Variants in ECE1 observed in about 807,000 individuals in gnomAD.
ECE1 encodes the protein endothelin converting enzyme 1.
A neutral mutation model predicts 98.6 loss-of-function variants in ECE1; 35 were observed. That is an observed-to-expected ratio of 0.35 (90% confidence interval 0.27 to 0.47). The LOEUF is 0.47. ECE1 is among the 20% of genes least tolerant of loss of function. ECE1 has a pLI of 1.00. For missense variants in ECE1, 814 were observed against 1,025.3 expected, an observed-to-expected ratio of 0.79 and a Z score of 2.81; for synonymous variants, 394 against 407.1, an observed-to-expected ratio of 0.97 and a Z score of 0.39.
At chr1:21,276,551 TTTGTTTTGCTGCCTCTGTTTGC>T (rs1205721509) in intron 3 of ECE1, among the ~76,000 whole-genome samples, 1 of 152,202 alleles carries the variant, frequency 6.6e-6, no homozygotes, top group Non-Finnish European at 1.5e-5. Flanking sequence ...GAATGTATTG[TTTGTTTTGCTGCCTCTGTTTGC>T]AAAGCACCAG....
Position 21,260,226 on chromosome 1 carries a change from G to C in ECE1, c.615+45C>G, listed in dbSNP as rs1558394844. 1.9e-6 allele frequency: 3 copies of C among 1,614,072 alleles called. No individual in the cohort carries two copies. Among genetic ancestry groups the C allele is most frequent in the Non-Finnish European group, 2.5e-6 (3 of 1,179,960 alleles). On this transcript the variant is annotated intron_variant, in intron 5 of 18. Transcript: ENST00000374893. The surrounding 1 kb of genome is among the most constrained non-coding windows in gnomAD (Gnocchi z 4.3). ...GGAGTGGAAGCCAGGGGGCGGGCAG[G>C]TGGCATGGGCCGGGGCTTGGGGAGG...
At chr1:21,293,654 G>A (rs993884031), upstream of ECE1, 1 of 152,174 alleles carries the variant, frequency 6.6e-6, no homozygotes, top group Non-Finnish European at 1.5e-5. Context: ...GCCCCTTCCT[G>A]AGATGCCTGC....
At chr1:21,304,952 C>T (rs1182505608) in intron 1 of ECE1, among the ~76,000 whole-genome samples, 1 of 152,184 alleles carries the variant, frequency 6.6e-6, no homozygotes, top group South Asian at 2.1e-4. Context: ...GCAAAATCAG[C>T]CCGGTCCCAT....
intron 1 of ECE1, among the ~76,000 whole-genome samples, chr1:21,337,112 T>C (rs1297374154): frequency 6.6e-6 from 1 of 152,144 alleles, no homozygotes; most frequent in Admixed American, 6.6e-5. Context: ...CCTAAGTATG[T>C]GCCCCAAAGA....
chr1:21,262,518 C>G (rs1347430503), intron 4 of ECE1, among the ~76,000 whole-genome samples: 2 of 152,234 alleles, frequency 1.3e-5, no homozygotes, highest in Non-Finnish European at 2.9e-5. Context: ...CCACATCTGG[C>G]TCCGGCCAAA....
In ECE1 at chr1:21,260,424, G is replaced by A. The variant is rs749293980; in HGVS notation, c.494-32C>T. 18 of 1,613,806 alleles carry A rather than the reference G, an allele frequency of 1.1e-5. No individual in the cohort carries two copies. Among genetic ancestry groups the A allele is most frequent in the Non-Finnish European group, 1.4e-5 (16 of 1,179,948 alleles). On this transcript the variant is annotated intron_variant, in intron 4 of 18. Coordinates refer to ENST00000374893, the MANE Select transcript of ECE1 (RefSeq NM_001397.3). The surrounding 1 kb of genome is among the most constrained non-coding windows in gnomAD (Gnocchi z 4.3). ...CAACAGACAGTGGAGTTTGCAATGC[G>A]GCCCCACTTGCCCACTGGGTGGCTT...
At chr1:21,311,812 A>T (rs906238228) in intron 1 of ECE1, among the ~76,000 whole-genome samples, 1 of 150,408 alleles carries the variant, frequency 6.6e-6, no homozygotes. Context: ...ATCCTGTCTC[A>T]AAAAAAAATT....
At chr1:21,323,031 TA>T (rs1638997172) in intron 1 of ECE1, among the ~76,000 whole-genome samples, 1 of 152,128 alleles carries the variant, frequency 6.6e-6, no homozygotes, top group Non-Finnish European at 1.5e-5. Context: ...AGGACACAGC[TA>T]AAAGCTGTGA....
intron 14 of ECE1, 137 bp from the exon 15 acceptor site, chr1:21,228,178 A>G (rs991611965): frequency 1.6e-6 from 1 of 627,608 alleles, no homozygotes. Context: ...GCCCAAGTGC[A>G]CACAAGTACA....
chr1:21,295,940 T>C (rs1191182131), intron 1 of ECE1, among the ~76,000 whole-genome samples: 1 of 152,148 alleles, frequency 6.6e-6, no homozygotes, highest in African/African-American at 2.4e-5. Context: ...CCGAGTAAGC[T>C]AGAACATGAA....
chr1:21,220,027 C>G lies in ECE1; in HGVS notation c.2241G>C (p.Lys747Asn), dbSNP rs769034411. The change falls in exon 19 of 19, where the codon AAG becomes AAC. Residue 747 changes from lysine to asparagine, a missense_variant. By Grantham distance (94) the Lys-to-Asn change is moderately conservative. Around this residue, in one of 3 missense-constraint regions of ECE1, gnomAD observed 452 missense variants for 567.3 expected, o/e 0.80. Coordinates refer to ENST00000374893, the MANE Select transcript of ECE1 (RefSeq NM_001397.3). The surrounding 1 kb of genome is among the most constrained non-coding windows in gnomAD (Gnocchi z 5.0). The part of the protein sequence containing the change: ...FRVIGSLSNS[K>N]EFSEHFRCPP... ...GGCAGCGGAAGTGTTCTGAGAACTC[C>G]TTGGAATTGGAGAGGGAGCCGATGA... is the stretch of plus-strand genomic sequence containing the variant. The G allele has an allele frequency of 1.2e-6, 2 of 1,614,192 alleles. No homozygotes were observed. The highest frequency in any genetic ancestry group is 1.3e-5 in the African/African-American group (1 of 75,042).
intron 14 of ECE1, among the ~76,000 whole-genome samples, chr1:21,228,942 CGCCATTCTCCTGCCTCAG>C (rs2098178204): frequency 6.6e-6 from 1 of 150,378 alleles, no homozygotes; most frequent in African/African-American, 2.4e-5. Context: ...CCGGGGTTCA[CGCCATTCTCCTGCCTCAG>C]CCTCCCGTGT....
upstream of ECE1, among the ~76,000 whole-genome samples, chr1:21,295,450 A>G (rs917449704): frequency 6.6e-6 from 1 of 152,264 alleles, no homozygotes; most frequent in African/African-American, 2.4e-5. Flanking sequence ...GACATTTATT[A>G]TTATTACATT....
chr1:21,330,253 T>TTTTTTTA (rs1639172500), intron 1 of ECE1, among the ~76,000 whole-genome samples: 3 of 129,920 alleles, frequency 2.3e-5, no homozygotes, highest in Non-Finnish European at 5.0e-5. Flanking sequence ...TTTTTTTTTT[T>TTTTTTTA]GAGACAGAGT....
At chr1:21,244,875 C>A (rs1036644062) in intron 10 of ECE1, 114 bp downstream of exon 10, 70 of 970,592 alleles carry the variant, frequency 7.2e-5, no homozygotes, top group Non-Finnish European at 3.3e-6. Flanking sequence ...GCACTCCTTC[C>A]GGAAGCTTCT....
rs745868879 is a variant in ECE1 at position 21,255,927 on chromosome 1, G to A, written c.1020+20C>T. 1.9e-6 allele frequency: 3 copies of A among 1,613,214 alleles called. No homozygotes were observed. Among genetic ancestry groups the A allele is most frequent in the South Asian group, 2.2e-5 (2 of 91,074 alleles). The stretch of plus-strand genomic sequence containing the variant: ...CCTGGAGGCCATCCCAGCCTCCCTA[G>A]CAGCCGGCGCTCAAGTTACCTGCAG... On this transcript the variant is annotated intron_variant, in intron 8 of 18. Transcript: ENST00000374893.
chr1:21,226,945 A>G (rs1425743496), intron 16 of ECE1, among the ~76,000 whole-genome samples: 1 of 151,990 alleles, frequency 6.6e-6, no homozygotes, highest in Non-Finnish European at 1.5e-5. Flanking sequence ...GCTGATCTCG[A>G]ACTCCTGACC....
intron 2 of ECE1, among the ~76,000 whole-genome samples, chr1:21,288,815 C>A (rs1347286974): frequency 1.3e-5 from 2 of 152,142 alleles, no homozygotes; most frequent in African/African-American, 4.8e-5. Context: ...ATTTTTAGCT[C>A]GGTGACCGAA....
intron 1 of ECE1, among the ~76,000 whole-genome samples, chr1:21,313,379 G>A (rs1005973589): frequency 1.3e-5 from 2 of 152,166 alleles, no homozygotes; most frequent in African/African-American, 2.4e-5. Flanking sequence ...GAGGGAGCCC[G>A]GGAGGAAACG....
Sources: allele counts gnomAD v4.1 joint callset (sites outside exome capture counted in the v4.1 genomes callset), GRCh38; gene constraint gnomAD v4.1.1; regional missense constraint gnomAD v4.1.1; non-coding constraint Gnocchi (gnomAD v3.1); transcripts MANE v1.5; gene names NCBI Gene and HGNC (gene_info 2026-07-23, HGNC 2026-07-21).